The following DCLRE1C variants were observed in gnomAD, a reference collection of about 807,000 sequenced individuals.
DCLRE1C encodes the protein DNA cross-link repair 1C.
DCLRE1C carries 47 observed loss-of-function variants against 61.4 expected under a neutral mutation model. The ratio of observed to expected loss-of-function variants is 0.77; its 90% CI spans 0.61 to 0.98. The LOEUF (loss-of-function observed/expected upper bound fraction) is 0.98, where lower values mean the gene tolerates loss of function less well. DCLRE1C is among the 50% of genes least tolerant of loss of function. DCLRE1C has a pLI of 0.00. For missense variants in DCLRE1C, 858 were observed against 816.0 expected (o/e 1.05, Z -0.63); for synonymous variants, 337 against 287.6 (o/e 1.17, Z -1.74).
chr10:14,950,543 A>G (rs1382994737), intron 1 of DCLRE1C, among the ~76,000 whole-genome samples: 1 of 152,100 alleles, frequency 6.6e-6, no homozygotes, highest in Non-Finnish European at 1.5e-5. Context: ...GATTGTATAT[A>G]TGCCTCCAGG....
At chr10:14,951,983 C>G (rs902807055) in intron 1 of DCLRE1C, among the ~76,000 whole-genome samples, 1 of 152,234 alleles carries the variant, frequency 6.6e-6, no homozygotes, top group African/African-American at 2.4e-5. Context: ...TGTTTTCACC[C>G]TTGATGAGTT....
rs768414966 is a variant in DCLRE1C at position 14,936,570 on chromosome 10, G to C, written c.330C>G (p.Leu110=). The C allele has an allele frequency of 6.2e-6, 10 of 1,613,132 alleles. No homozygotes were observed. Among genetic ancestry groups the C allele is most frequent in the African/African-American group, 4.0e-5 (3 of 74,860 alleles). The part of the protein sequence containing the change: ...SGEKEEIVVT[L]LPAGHCPGSV... ...ATCCCGGACAGTGACCAGCTGGTAA[G>C]AGAGTCACAACAATCTCTTCCTTCT... The change falls in exon 5 of 14, where the codon CTC becomes CTG. Residue 110 remains leucine (L), a synonymous_variant. Coordinates refer to ENST00000378278, the MANE Select transcript of DCLRE1C (RefSeq NM_001033855.3).
chr10:14,950,035 A>T (rs1047691270), intron 1 of DCLRE1C, among the ~76,000 whole-genome samples: 10 of 151,472 alleles, frequency 6.6e-5, no homozygotes, highest in Non-Finnish European at 1.0e-4. Context: ...ACAGAGTGAG[A>T]CTTCATCTCA....
chr10:14,910,738 T>G (rs1835117193), intron 13 of DCLRE1C, among the ~76,000 whole-genome samples: 1 of 152,044 alleles, frequency 6.6e-6, no homozygotes, highest in Admixed American at 6.5e-5. Context: ...CACAAAAGAT[T>G]AAAGGAAGAA....
In DCLRE1C at chr10:14,909,172, C is replaced by G. The variant is rs753674918; in HGVS notation, c.1315G>C (p.Glu439Gln). The change falls in exon 14 of 14, where the codon GAG becomes CAG. Residue 439 changes from glutamate to glutamine, a missense_variant. Physicochemically the swap from Glu to Gln is conservative, Grantham distance 29. This residue lies in a region of DCLRE1C where 843 missense variants were observed against 783.5 expected (regional missense o/e 1.08). Coordinates refer to ENST00000378278, the MANE Select transcript of DCLRE1C (RefSeq NM_001033855.3). ...GTGAAACGAGAGCTCTGCATACACTCTGCTCTGCAGCATCCTGGGGTTTGT... is the reference window on the plus strand; with the variant it reads ...GTGAAACGAGAGCTCTGCATACACTGTGCTCTGCAGCATCCTGGGGTTTGT... ...LRQTPGCCRA[E>Q]CMQSSRFTNF... 4.3e-6 allele frequency: 7 copies of G among 1,614,228 alleles called. No homozygotes were observed. The highest frequency in any genetic ancestry group is 5.9e-6 in the Non-Finnish European group (7 of 1,180,038).
At chr10:14,933,660 T>A (rs1395368095) in intron 8 of DCLRE1C, among the ~76,000 whole-genome samples, 1 of 151,814 alleles carries the variant, frequency 6.6e-6, no homozygotes, top group Admixed American at 6.6e-5. Context: ...AAATCAAGAA[T>A]CACCTTAAAG....
rs775156782 is a variant in DCLRE1C, at chr10:14,908,523, G to A, written c.1964C>T (p.Ser655Leu). 1.9e-6 allele frequency: 3 copies of A among 1,613,968 alleles called. No homozygotes were observed. Among genetic ancestry groups the A allele is most frequent in the Non-Finnish European group, 2.5e-6 (3 of 1,180,016 alleles). ...TTTAGGTAACTCAGCTTCTGGAGTT[G>A]AGGGAACTTCAAAATCAGAAGAGCT... Reference protein sequence around the residue: ...SQSSSDFEVPSTPEAELPKRE... With the variant: ...SQSSSDFEVPLTPEAELPKRE... Residue 655 changes from serine to leucine, a missense_variant, in exon 14 of 14, where the codon TCA becomes TTA. This residue lies in a region of DCLRE1C where 843 missense variants were observed against 783.5 expected (regional missense o/e 1.08). Coordinates refer to ENST00000378278, the MANE Select transcript of DCLRE1C (RefSeq NM_001033855.3).
chr10:14,923,109 A>T lies in DCLRE1C; in HGVS notation c.973-40T>A, dbSNP rs1346997044. ...ATCACATGGATCAACAATCTCTACG[A>T]TGAAACAGGTTGTTAGGGGAGATAA... On this transcript the variant is annotated intron_variant, in intron 11 of 13. Coordinates refer to ENST00000378278, the MANE Select transcript of DCLRE1C (RefSeq NM_001033855.3). 2.0e-6 allele frequency: 3 copies of T among 1,473,972 alleles called. No homozygotes were observed. The South Asian group carries it at 3.4e-5, about 17-fold the overall frequency. The allele number at this position is 1,473,972 out of a possible 1,614,324, so 91.3% of individuals were successfully genotyped here.
At chr10:14,917,140 A>T (rs186616720) in intron 13 of DCLRE1C, among the ~76,000 whole-genome samples, 79 of 152,368 alleles carry the variant, frequency 5.2e-4, no homozygotes, top group African/African-American at 1.7e-3. Context: ...AAAGCAATTC[A>T]GTGAATTAAG....
chr10:14,917,667 T>C (rs901139644), intron 13 of DCLRE1C, among the ~76,000 whole-genome samples: 16 of 151,984 alleles, frequency 1.1e-4, no homozygotes, highest in African/African-American at 3.9e-4. Flanking sequence ...CTACAAAAAA[T>C]ATAAAAATTA....
chr10:14,926,009 T>C (rs753874181), intron 11 of DCLRE1C, among the ~76,000 whole-genome samples: 3 of 152,192 alleles, frequency 2.0e-5, no homozygotes, highest in Non-Finnish European at 4.4e-5. Flanking sequence ...CCACTTTCAC[T>C]CTGCACTTCT....
chr10:14,899,384 C>A, intron 13 of DCLRE1C: 1 of 788,176 alleles, frequency 1.3e-6, no homozygotes, highest in Non-Finnish European at 2.1e-6. Context: ...CACCTCTTTG[C>A]ATCTGAGTCT....
At chr10:14,924,284 A>T (rs1396748785) in intron 11 of DCLRE1C, among the ~76,000 whole-genome samples, 6 of 152,224 alleles carry the variant, frequency 3.9e-5, no homozygotes, top group Admixed American at 2.0e-4. Context: ...TCTCCCAATG[A>T]TTAATTCTAA....
Position 14,908,622 on chromosome 10 carries a change from G to C in DCLRE1C, c.1865C>G (p.Thr622Ser). 6.2e-7 allele frequency: 1 copy of C among 1,614,134 alleles called. No homozygotes were observed. Residue 622 changes from threonine to serine, a missense_variant, in exon 14 of 14, where the codon ACT (threonine) becomes AGT (serine). This residue lies in a region of DCLRE1C where 843 missense variants were observed against 783.5 expected (regional missense o/e 1.08). Transcript: ENST00000378278. ...TATATGTGTCTCACTGCTTAGAGTA[G>C]TTGGTTCTCCAGTACTAGGAACTAT... The part of the protein sequence containing the change: ...VTIVPSTGEP[T>S]TLSSETHIPE...
intron 1 of DCLRE1C, among the ~76,000 whole-genome samples, chr10:14,951,858 C>A (rs565549698): frequency 6.6e-6 from 1 of 152,136 alleles, no homozygotes; most frequent in African/African-American, 2.4e-5. Flanking sequence ...GGGGTTAGGG[C>A]TTCAACATAT....
chr10:14,916,719 T>A (rs575280321), intron 13 of DCLRE1C, among the ~76,000 whole-genome samples: 1 of 152,198 alleles, frequency 6.6e-6, no homozygotes, highest in Non-Finnish European at 1.5e-5. Flanking sequence ...CACAGACTTA[T>A]ACGCTGGAAA....
At chr10:14,934,813 G>A (rs1589065162) in intron 6 of DCLRE1C, 38 bp from the exon 7 acceptor site, 1 of 1,477,412 alleles carries the variant, frequency 6.8e-7, no homozygotes, top group Non-Finnish European at 9.5e-7. Context: ...CATCCAATGT[G>A]ATATAAATTA....
intron 9 of DCLRE1C, among the ~76,000 whole-genome samples, chr10:14,929,786 C>T (rs1355644538): frequency 6.6e-6 from 1 of 152,062 alleles, no homozygotes; most frequent in Non-Finnish European, 1.5e-5. Context: ...CCTTCCAAAC[C>T]ATTAACGTTC....
At chr10:14,932,357 GT>G (rs1564431485) in intron 9 of DCLRE1C, among the ~76,000 whole-genome samples, 2 of 152,176 alleles carry the variant, frequency 1.3e-5, no homozygotes, top group Non-Finnish European at 2.9e-5. Flanking sequence ...TAAAGATCTG[GT>G]TGGGGGTGGT....
Sources: gnomAD v4.1 joint callset for allele counts (sites outside exome capture counted in the v4.1 genomes callset) on GRCh38, gnomAD v4.1.1 for gene constraint, gnomAD v4.1.1 regional missense constraint, MANE v1.5 for transcripts, NCBI Gene and HGNC (gene_info 2026-07-23, HGNC 2026-07-21) for gene names.